The following GBF1 variants were observed in gnomAD, a reference collection of about 807,000 sequenced individuals.
GBF1 encodes the protein golgi brefeldin A resistant guanine nucleotide exchange factor 1.
Under a neutral mutation model 210.5 loss-of-function variants are expected in GBF1, and 114 were observed. The ratio of observed to expected loss-of-function variants is 0.54; its 90% CI spans 0.47 to 0.63. The LOEUF (loss-of-function observed/expected upper bound fraction) is 0.63. Among genes scored for constraint, GBF1 ranks in the 30% least tolerant of loss-of-function variants. The pLI is 0.00. For synonymous variants in GBF1, 850 were observed against 889.2 expected, an observed-to-expected ratio of 0.96 and a Z score of 0.78; for missense variants, 1,851 against 2,357.7, an observed-to-expected ratio of 0.79 and a Z score of 4.45.
intron 3 of GBF1, among the ~76,000 whole-genome samples, chr10:102,306,775 T>G (rs2077922300): frequency 6.6e-6 from 1 of 152,236 alleles, no homozygotes; most frequent in African/African-American, 2.4e-5. Flanking sequence ...TGGCCATTAT[T>G]ATTAGCTTAT....
rs769184502 is a variant in GBF1, at chr10:102,376,406, G to A, written c.4021G>A (p.Asp1341Asn). 12 of 1,614,184 alleles carry A rather than the reference G, an allele frequency of 7.4e-6. No individual in the cohort carries two copies. Among genetic ancestry groups the A allele is most frequent in the South Asian group, 3.3e-5 (3 of 91,084 alleles). Reference protein sequence around the residue: ...GKIHRSATDADVVNSGWLVVG... With the variant: ...GKIHRSATDANVVNSGWLVVG... ...GATACACCGATCAGCCACAGATGCC[G>A]ATGTGGTCAACAGTGGTTGGTTAGT... The change falls in exon 31 of 40, where the codon GAT becomes AAT. Residue 1341 changes from aspartate to asparagine, a missense_variant. Coordinates refer to ENST00000369983, the MANE Select transcript of GBF1 (RefSeq NM_001377137.1).
At chr10:102,371,646 G>A (rs2060210733) in intron 29 of GBF1, among the ~76,000 whole-genome samples, 1 of 152,150 alleles carries the variant, frequency 6.6e-6, no homozygotes, top group African/African-American at 2.4e-5. Context: ...CACTCTCTCT[G>A]GGCCGGTTGC....
intron 3 of GBF1, among the ~76,000 whole-genome samples, chr10:102,340,060 T>C (rs1589695855): frequency 1.3e-5 from 2 of 151,184 alleles, no homozygotes; most frequent in East Asian, 3.9e-4. Context: ...TTCAAGATAT[T>C]CTTTCACCTC....
At chr10:102,376,898 A>G in intron 32 of GBF1, 37 bp from the exon 33 acceptor site, 1 of 1,611,226 alleles carries the variant, frequency 6.2e-7, no homozygotes. Flanking sequence ...ATGCCTATAT[A>G]GACACAGAAA....
intron 3 of GBF1, among the ~76,000 whole-genome samples, chr10:102,281,613 A>G (rs1477909801): frequency 1.3e-5 from 2 of 149,880 alleles, no homozygotes; most frequent in African/African-American, 2.4e-5. Context: ...TACATAATCT[A>G]TAATAGATTA....
At chr10:102,275,301 T>C (rs1044748960) in intron 3 of GBF1, among the ~76,000 whole-genome samples, 1 of 152,176 alleles carries the variant, frequency 6.6e-6, no homozygotes, top group African/African-American at 2.4e-5. Flanking sequence ...AAGGGTCTCA[T>C]GTGAGGAAAG....
intron 3 of GBF1, among the ~76,000 whole-genome samples, chr10:102,337,761 G>A (rs1206951627): frequency 2.0e-5 from 3 of 152,056 alleles, no homozygotes; most frequent in Admixed American, 2.0e-4. Flanking sequence ...GGAGGCTGAG[G>A]CAGGAGAATC....
At chr10:102,339,150 G>A (rs2057993144) in intron 3 of GBF1, among the ~76,000 whole-genome samples, 1 of 152,148 alleles carries the variant, frequency 6.6e-6, no homozygotes, top group African/African-American at 2.4e-5. Context: ...ATCACCTGAG[G>A]TCAGGAGTTC....
chr10:102,319,724 CTTTCTTTTT>C (rs1458957898), intron 3 of GBF1, among the ~76,000 whole-genome samples: 4 of 144,514 alleles, frequency 2.8e-5, no homozygotes, highest in African/African-American at 1.0e-4. Context: ...TTTTCTTTTT[CTTTCTTTTT>C]TTTTTTTTTT....
At chr10:102,258,845 C>T in intron 1 of GBF1, 84 bp from the exon 2 acceptor site, 1 of 688,474 alleles carries the variant, frequency 1.5e-6, no homozygotes, top group Non-Finnish European at 2.7e-6. Flanking sequence ...ACAATTCTAA[C>T]CTTATCAGGT....
At chr10:102,317,054 A>T (rs1204277124) in intron 3 of GBF1, among the ~76,000 whole-genome samples, 1 of 152,232 alleles carries the variant, frequency 6.6e-6, no homozygotes, top group African/African-American at 2.4e-5. Context: ...ACTAAAACTT[A>T]GTAATAATAG....
intron 3 of GBF1, among the ~76,000 whole-genome samples, chr10:102,281,213 T>C (rs139321825): frequency 2.0e-5 from 3 of 152,268 alleles, no homozygotes; most frequent in African/African-American, 7.2e-5. Context: ...TTTAGTGAAA[T>C]AGACGGGTTG....
Position 102,365,494 on chromosome 10 carries a change from C to T in GBF1, c.2204C>T (p.Thr735Ile), listed in dbSNP as rs1430772882. The change falls in exon 18 of 40, where the codon ACA (threonine) becomes ATA (isoleucine). Residue 735 changes from threonine to isoleucine, a missense_variant. By Grantham distance (89) the Thr-to-Ile change is moderately conservative (BLOSUM62 -1). Coordinates refer to ENST00000369983, the MANE Select transcript of GBF1 (RefSeq NM_001377137.1). ...CTCCTCACCATCCCAATGGACAACACAGAGGTTGCTCAGTGGCTCCGAGAG... is the reference window on the plus strand; with the variant it reads ...CTCCTCACCATCCCAATGGACAACATAGAGGTTGCTCAGTGGCTCCGAGAG... ...KGLLTIPMDN[T>I]EVAQWLRENP... 4 of 1,613,898 alleles carry T rather than the reference C, an allele frequency of 2.5e-6. No homozygotes were observed. The Admixed American group carries it at 6.7e-5, about 27-fold the overall frequency.
At chr10:102,339,319 T>C (rs1471972312) in intron 3 of GBF1, among the ~76,000 whole-genome samples, 2 of 149,752 alleles carry the variant, frequency 1.3e-5, no homozygotes, top group African/African-American at 2.5e-5. Context: ...GCCGAGATCA[T>C]GCCACTGCAC....
At chr10:102,381,018 G>T in intron 38 of GBF1, 109 bp from the exon 39 acceptor site, 1 of 1,097,684 alleles carries the variant, frequency 9.1e-7, no homozygotes, top group Non-Finnish European at 1.3e-6. Flanking sequence ...CCCCAAAGCT[G>T]AATTTATTGT....
At chr10:102,344,278 A>G in intron 4 of GBF1, 96 bp downstream of exon 4, 1 of 1,087,636 alleles carries the variant, frequency 9.2e-7, no homozygotes, top group South Asian at 1.4e-5. Context: ...GATAGTGGGA[A>G]ATTTTTTCCA....
intron 3 of GBF1, among the ~76,000 whole-genome samples, chr10:102,338,674 C>T (rs1182452175): frequency 1.3e-5 from 2 of 151,860 alleles, no homozygotes; most frequent in African/African-American, 2.4e-5. Context: ...CGGCTGGGTG[C>T]GGTGGCTTAC....
In GBF1 at chr10:102,376,740, G is replaced by A. The variant is rs766292945; in HGVS notation, c.4228G>A (p.Asp1410Asn). 10 of 1,611,030 alleles carry A rather than the reference G, an allele frequency of 6.2e-6. No homozygotes were observed. The highest frequency in any genetic ancestry group is 5.1e-6 in the Non-Finnish European group (6 of 1,179,938). Residue 1410 changes from aspartate (D) to asparagine (N), a missense_variant, in exon 32 of 40, where the codon GAC becomes AAC. Coordinates refer to ENST00000369983, the MANE Select transcript of GBF1 (RefSeq NM_001377137.1). ...IVRDAAHITP[D>N]NFELCVKTLR... The stretch of plus-strand genomic sequence containing the variant: ...GCGTGATGCTGCCCACATCACACCT[G>A]ACAACTTTGAGCTCTGCGTCAAGAC...
At chr10:102,281,930 CTTTT>C (rs772397261) in intron 3 of GBF1, among the ~76,000 whole-genome samples, 2 of 140,646 alleles carry the variant, frequency 1.4e-5, no homozygotes, top group African/African-American at 5.2e-5. Flanking sequence ...TCTTTCTTTT[CTTTT>C]TTTTTTTTTT....
Sources: allele counts gnomAD v4.1 joint callset (sites outside exome capture counted in the v4.1 genomes callset), GRCh38; gene constraint gnomAD v4.1.1; transcripts MANE v1.5; gene names NCBI Gene and HGNC (gene_info 2026-07-23, HGNC 2026-07-21).